TEAD1: variants seen among roughly 807,000 people sequenced by gnomAD.
TEAD1 encodes the protein TEA domain transcription factor 1.
In TEAD1, 9 loss-of-function variants were observed where a neutral mutation model predicts 54.9. The observed-to-expected ratio is 0.16, with a 90% CI of 0.10 to 0.29. TEAD1 has a LOEUF of 0.29. TEAD1 is among the 10% of genes least tolerant of loss of function. The probability of loss-of-function intolerance (pLI) is 1.00; values close to 1 mark genes in which losing one functional copy is unlikely to be tolerated. For missense variants in TEAD1, 387 were observed against 535.9 expected, an observed-to-expected ratio of 0.72 and a Z score of 2.74; for synonymous variants, 200 against 187.8, an observed-to-expected ratio of 1.07 and a Z score of -0.53.
At chr11:12,785,072 G>T (rs980621174) in intron 3 of TEAD1, among the ~76,000 whole-genome samples, 8 of 152,194 alleles carry the variant, frequency 5.3e-5, no homozygotes, top group Admixed American at 2.0e-4. Context: ...ATCAAAGACT[G>T]ACTCTTCAGT....
At chr11:12,825,261 G>T (rs754347190) in intron 3 of TEAD1, among the ~76,000 whole-genome samples, 1 of 152,006 alleles carries the variant, frequency 6.6e-6, no homozygotes, top group African/African-American at 2.4e-5. Context: ...AAAGGCATCC[G>T]GATTGGGAAG....
chr11:12,680,086 C>T (rs1228774013), intron 2 of TEAD1, among the ~76,000 whole-genome samples: 2 of 151,964 alleles, frequency 1.3e-5, no homozygotes, highest in African/African-American at 4.8e-5. Flanking sequence ...TGACAGAAAT[C>T]ATTGTTAATC....
At chr11:12,752,648 T>A (rs1590115376) in intron 2 of TEAD1, among the ~76,000 whole-genome samples, 1 of 152,310 alleles carries the variant, frequency 6.6e-6, no homozygotes, top group South Asian at 2.1e-4. Context: ...TCTGTGGCTG[T>A]GAAATGATTT....
Position 12,895,495 on chromosome 11 carries a change from T to C in TEAD1, c.700-6445T>C, listed in dbSNP as rs7941340. 2.6e-5 allele frequency among the ~76,000 whole-genome samples: 4 copies of C among 151,636 alleles called. No homozygotes were observed. In the East Asian group the frequency reaches 5.8e-4, roughly 22 times the overall value. On this transcript the variant is annotated intron_variant, in intron 9 of 12. Coordinates refer to ENST00000527636, the MANE Select transcript of TEAD1 (RefSeq NM_021961.6). ...GTCCAGCTGTCCTGAGCGTTTGAGC[T>C]GTAGGAAAGCTTTGCAGTCTGACCC...
chr11:12,719,705 C>T (rs942382463), intron 2 of TEAD1, among the ~76,000 whole-genome samples: 1 of 151,806 alleles, frequency 6.6e-6, no homozygotes, highest in Non-Finnish European at 1.5e-5. Context: ...TGGGTGAAGC[C>T]GTGGGTTGGA....
chr11:12,793,727 A>G (rs1169924409), intron 3 of TEAD1, among the ~76,000 whole-genome samples: 2 of 152,248 alleles, frequency 1.3e-5, no homozygotes. Flanking sequence ...GATGTGGAAC[A>G]TGAATCAAAA....
intron 2 of TEAD1, among the ~76,000 whole-genome samples, chr11:12,747,818 A>C (rs1442920376): frequency 6.6e-6 from 1 of 152,256 alleles, no homozygotes; most frequent in Non-Finnish European, 1.5e-5. Flanking sequence ...ATAATGTTCC[A>C]GTTTTCATGA....
rs192823078 is a variant in TEAD1, at chr11:12,836,187, G to A, written c.203-26063G>A. On this transcript the variant is annotated intron_variant, in intron 3 of 12. Transcript: ENST00000527636. ...TGTAATCCCAGCGCTTCAGGAGGCCGAGGTGGGTGGATCATGAGGTCAGGA... is the reference window on the plus strand; with the variant it reads ...TGTAATCCCAGCGCTTCAGGAGGCCAAGGTGGGTGGATCATGAGGTCAGGA... Among the ~76,000 whole-genome samples, 20 of 152,242 alleles carry A rather than the reference G, an allele frequency of 1.3e-4. No homozygotes were observed. In the East Asian group the frequency reaches 3.1e-3, roughly 24 times the overall value.
chr11:12,932,961 A>G (rs1362667271), intron 12 of TEAD1, among the ~76,000 whole-genome samples: 1 of 152,202 alleles, frequency 6.6e-6, no homozygotes, highest in Non-Finnish European at 1.5e-5. Flanking sequence ...TTGTGTTGTA[A>G]TAGCCTACAG....
chr11:12,782,858 C>T (rs535398763), intron 3 of TEAD1, among the ~76,000 whole-genome samples: 72 of 152,206 alleles, frequency 4.7e-4, no homozygotes, highest in African/African-American at 1.6e-3. Flanking sequence ...TCTGTGGCAG[C>T]CGTATGGTAG....
At chr11:12,869,535 T>C in intron 5 of TEAD1, among the ~76,000 whole-genome samples, 1 of 152,336 alleles carries the variant, frequency 6.6e-6, no homozygotes, top group East Asian at 1.9e-4. Flanking sequence ...CTTATTAAAA[T>C]TGGGTTCTCT....
chr11:12,916,837 A>AGCTGGAAGAGGCAAGGAAACAGAAC, intron 10 of TEAD1, among the ~76,000 whole-genome samples: 1 of 152,208 alleles, frequency 6.6e-6, no homozygotes, highest in South Asian at 2.1e-4. Flanking sequence ...AGCAAACAGA[A>AGCTGGAAGAGGCAAGGAAACAGAAC]CCTGAAGAAC....
At chr11:12,868,667 A>C (rs59747473) in intron 5 of TEAD1, among the ~76,000 whole-genome samples, 1 of 152,322 alleles carries the variant, frequency 6.6e-6, no homozygotes, top group East Asian at 1.9e-4. Flanking sequence ...TAAAGAAAAA[A>C]ATTGTTCTAG....
intron 2 of TEAD1, among the ~76,000 whole-genome samples, chr11:12,741,644 A>G (rs1482961146): frequency 6.6e-6 from 1 of 151,968 alleles, no homozygotes; most frequent in East Asian, 1.9e-4. Context: ...TGTTCTTGAT[A>G]TTTTCCAATA....
chr11:12,900,653 T>C (rs1422336206), intron 9 of TEAD1, among the ~76,000 whole-genome samples: 1 of 152,062 alleles, frequency 6.6e-6, no homozygotes, highest in East Asian at 1.9e-4. Context: ...TTTTTTTTTT[T>C]AAAGCAGGTC....
intron 2 of TEAD1, among the ~76,000 whole-genome samples, chr11:12,725,595 A>G (rs1418187179): frequency 6.9e-6 from 1 of 145,278 alleles, no homozygotes; most frequent in Non-Finnish European, 1.5e-5. Context: ...TAAATACGTA[A>G]AGTATTACGT....
chr11:12,694,290 AAAG>A (rs1943529741), intron 2 of TEAD1, among the ~76,000 whole-genome samples: 1 of 149,736 alleles, frequency 6.7e-6, no homozygotes, highest in South Asian at 2.1e-4. Flanking sequence ...AGGAGAGAAA[AAAG>A]AGAGAGAGGG....
chr11:12,919,739 A>G (rs187617479), intron 10 of TEAD1, among the ~76,000 whole-genome samples: 63 of 152,234 alleles, frequency 4.1e-4, no homozygotes, highest in African/African-American at 1.3e-3. Flanking sequence ...GGCTCAAGCA[A>G]TCCTCCTGCC....
intron 3 of TEAD1, among the ~76,000 whole-genome samples, chr11:12,789,019 G>A (rs907104779): frequency 1.3e-5 from 2 of 152,214 alleles, no homozygotes; most frequent in Admixed American, 1.3e-4. Context: ...CAAAGTGCTG[G>A]GATTATAGAC....
Sources: gnomAD v4.1 joint callset for allele counts (sites outside exome capture counted in the v4.1 genomes callset) on GRCh38, gnomAD v4.1.1 for gene constraint, MANE v1.5 for transcripts, NCBI Gene and HGNC (gene_info 2026-07-23, HGNC 2026-07-21) for gene names.